BCAS3: variants seen among roughly 807,000 people sequenced by gnomAD.
BCAS3 encodes BCAS4/BCAS3 fusion.
In BCAS3, 53 loss-of-function variants were observed where a neutral mutation model predicts 116.1. The ratio of observed to expected loss-of-function variants is 0.46; its 90% CI spans 0.37 to 0.57. BCAS3 has a LOEUF of 0.57. Among genes scored for constraint, BCAS3 ranks in the 20% least tolerant of loss-of-function variants. BCAS3 has a pLI of 0.00. For synonymous variants in BCAS3, 391 were observed against 408.2 expected (o/e 0.96, Z 0.51); for missense variants, 917 against 1,165.4 (o/e 0.79, Z 3.10).
At chr17:61,351,263 C>G (rs16945152) in intron 22 of BCAS3, among the ~76,000 whole-genome samples, 1,775 of 152,314 alleles carry the variant, frequency 0.012, 30 homozygotes, top group African/African-American at 0.041. Context: ...AAAGGCATTG[C>G]TGGTGACTTC....
Position 61,026,429 on chromosome 17 carries a change from C to T in BCAS3, c.1638-8237C>T, listed in dbSNP as rs1017228115. 6.6e-6 allele frequency among the ~76,000 whole-genome samples: 1 copy of T among 151,984 alleles called. No homozygotes were observed. Among genetic ancestry groups the T allele is most frequent in the African/African-American group, 2.4e-5 (1 of 41,408 alleles). On this transcript the variant is annotated intron_variant, in intron 16 of 23. Coordinates refer to ENST00000407086, the MANE Select transcript of BCAS3 (RefSeq NM_017679.5). The surrounding 1 kb of genome is among the most constrained non-coding windows in gnomAD (Gnocchi z 5.0). ...TTCTGAGACTGGAACCAGTGAAAAG[C>T]AGACAATTCATATCAAATTTTTTAT... is the stretch of plus-strand genomic sequence containing the variant.
chr17:61,268,487 C>T (rs2049952918), intron 22 of BCAS3, among the ~76,000 whole-genome samples: 1 of 152,168 alleles, frequency 6.6e-6, no homozygotes, highest in African/African-American at 2.4e-5. Context: ...TATTATGGTA[C>T]AACAGCTCAC....
chr17:61,238,493 T>C (rs996575347), intron 22 of BCAS3, among the ~76,000 whole-genome samples: 3 of 152,050 alleles, frequency 2.0e-5, no homozygotes, highest in African/African-American at 2.4e-5. Context: ...AGTGCTGGGA[T>C]TACAGTTGTG....
chr17:60,783,336 C>T (rs2144500196), intron 6 of BCAS3, among the ~76,000 whole-genome samples: 1 of 152,294 alleles, frequency 6.6e-6, no homozygotes, highest in Non-Finnish European at 1.5e-5. Context: ...TGCTGAGTAG[C>T]TGGGACTACA....
chr17:61,258,281 T>G lies in BCAS3; in HGVS notation c.2426-110046T>G, dbSNP rs979025762. Reference sequence around the variant, plus strand: ...TTGTCTTTAAGTATGTAACTTTATTTTCTTTCCTATCAGACTTTAAATTCA... The same window carrying G: ...TTGTCTTTAAGTATGTAACTTTATTGTCTTTCCTATCAGACTTTAAATTCA... On this transcript the variant is annotated intron_variant, in intron 22 of 23. Transcript: ENST00000407086. This position sits in a 1 kb window ranked among gnomAD's most constrained non-coding sequence, Gnocchi z 4.7. 1.3e-5 allele frequency among the ~76,000 whole-genome samples: 2 copies of G among 152,256 alleles called. No homozygotes were observed. Among genetic ancestry groups the G allele is most frequent in the African/African-American group, 4.8e-5 (2 of 41,470 alleles).
intron 22 of BCAS3, among the ~76,000 whole-genome samples, chr17:61,096,426 A>G (rs907778388): frequency 6.6e-6 from 1 of 152,126 alleles, no homozygotes; most frequent in African/African-American, 2.4e-5. Context: ...GTATGGTGGT[A>G]TGCACCTGTA....
At chr17:60,895,501 A>AT (rs1475213940) in intron 10 of BCAS3, among the ~76,000 whole-genome samples, 3 of 151,828 alleles carry the variant, frequency 2.0e-5, no homozygotes, top group Non-Finnish European at 4.4e-5. Flanking sequence ...TGAAGAACCA[A>AT]TTTTTTATTC....
chr17:60,902,479 G>A (rs2057958888), intron 10 of BCAS3, 141 bp from the exon 11 acceptor site: 3 of 673,982 alleles, frequency 4.5e-6, no homozygotes, highest in Non-Finnish European at 5.1e-6. Flanking sequence ...GCTTTTAGCT[G>A]TTTGTCTGAA....
intron 7 of BCAS3, among the ~76,000 whole-genome samples, chr17:60,853,907 G>GT (rs1314102698): frequency 2.7e-5 from 4 of 150,306 alleles, no homozygotes; most frequent in East Asian, 3.9e-4. Flanking sequence ...TTTGTAAGTT[G>GT]TTTTTTTTTA....
At chr17:61,108,229 AC>A (rs1161546087) in intron 22 of BCAS3, among the ~76,000 whole-genome samples, 1 of 151,888 alleles carries the variant, frequency 6.6e-6, no homozygotes, top group African/African-American at 2.4e-5. Flanking sequence ...TAAGGTAGCC[AC>A]CCCCACTTTC....
In BCAS3 at chr17:61,189,612, A is replaced by G. The variant is rs2079981146; in HGVS notation, c.2425+105048A>G. On this transcript the variant is annotated intron_variant, in intron 22 of 23. Coordinates refer to ENST00000407086, the MANE Select transcript of BCAS3 (RefSeq NM_017679.5). This position sits in a 1 kb window ranked among gnomAD's most constrained non-coding sequence, Gnocchi z 4.5. Reference sequence around the variant, plus strand: ...CCTAGGGCAGGGGTAAATGGAATCGAAAGGAGAAGAATGGAGAGGAATAGA... The same window carrying G: ...CCTAGGGCAGGGGTAAATGGAATCGGAAGGAGAAGAATGGAGAGGAATAGA... Among the ~76,000 whole-genome samples the G allele has an allele frequency of 6.6e-6, 1 of 152,208 alleles. No individual in the cohort carries two copies. Among genetic ancestry groups the G allele is most frequent in the Non-Finnish European group, 1.5e-5 (1 of 68,046 alleles).
intron 22 of BCAS3, among the ~76,000 whole-genome samples, chr17:61,270,208 C>T (rs1465046198): frequency 1.3e-5 from 2 of 150,936 alleles, no homozygotes; most frequent in Non-Finnish European, 2.9e-5. Flanking sequence ...CAACCTCTGC[C>T]TCCCAGGTTC....
At chr17:60,696,764 G>A (rs2035647215) in intron 4 of BCAS3, among the ~76,000 whole-genome samples, 1 of 152,112 alleles carries the variant, frequency 6.6e-6, no homozygotes, top group African/African-American at 2.4e-5. Flanking sequence ...GCTGTGCACT[G>A]ACCCTATTTA....
chr17:61,045,875 A>AT (rs1373816158), intron 19 of BCAS3, among the ~76,000 whole-genome samples: 5 of 49,964 alleles, frequency 1.0e-4, no homozygotes, highest in African/African-American at 7.7e-4. Context: ...AAATATATAT[A>AT]AATATATATT....
At position 61,388,919 on chromosome 17, in the gene BCAS3, A is replaced by C. The variant is rs1431870917; in HGVS notation, c.2594-3058A>C. The C allele has an allele frequency of 5.3e-6, 3 of 564,820 alleles. No individual in the cohort carries two copies. In the African/African-American group the frequency reaches 5.6e-5, roughly 11 times the overall value. The allele number at this position is 564,820 out of a possible 1,614,324, so 35.0% of individuals were successfully genotyped here. On this transcript the variant is annotated intron_variant, in intron 23 of 23. Coordinates refer to ENST00000407086, the MANE Select transcript of BCAS3 (RefSeq NM_017679.5). This position sits in a 1 kb window ranked among gnomAD's most constrained non-coding sequence, Gnocchi z 6.5. ...CAGCAGGCCCCCGATTCTTTCAGTT[A>C]GTCTGTGTTGAAGAATGGGCCCCCA... is the stretch of plus-strand genomic sequence containing the variant.
chr17:61,121,887 G>A (rs1299185440), intron 22 of BCAS3, among the ~76,000 whole-genome samples: 3 of 152,224 alleles, frequency 2.0e-5, no homozygotes, highest in East Asian at 1.9e-4. Flanking sequence ...CTGCCACCAC[G>A]CCTGGCTAAT....
rs180688167 is a variant in BCAS3 at position 61,252,043 on chromosome 17, A to G, written c.2426-116284A>G. On this transcript the variant is annotated intron_variant, in intron 22 of 23. Coordinates refer to ENST00000407086, the MANE Select transcript of BCAS3 (RefSeq NM_017679.5). ...ACAGTTATCAAGAAACAGATACTACAGTTTTATAACACGAAGTACTAAAAG... is the reference window on the plus strand; with the variant it reads ...ACAGTTATCAAGAAACAGATACTACGGTTTTATAACACGAAGTACTAAAAG... 2.9e-3 allele frequency among the ~76,000 whole-genome samples: 449 copies of G among 152,382 alleles called. 1 individual carries two copies. The highest frequency in any genetic ancestry group is 4.8e-3 in the Admixed American group (73 of 15,314).
At chr17:60,719,500 G>A (rs927926414) in intron 5 of BCAS3, among the ~76,000 whole-genome samples, 1 of 152,186 alleles carries the variant, frequency 6.6e-6, no homozygotes, top group Non-Finnish European at 1.5e-5. Flanking sequence ...ATGCAATCAT[G>A]TATTATTTTA....
intron 22 of BCAS3, among the ~76,000 whole-genome samples, chr17:61,194,315 CAT>C (rs2080341484): frequency 1.3e-5 from 2 of 152,144 alleles, no homozygotes; most frequent in Non-Finnish European, 1.5e-5. Context: ...CAGACTTTGT[CAT>C]TGGTTAACCC....
Sources: allele counts gnomAD v4.1 joint callset (sites outside exome capture counted in the v4.1 genomes callset), GRCh38; gene constraint gnomAD v4.1.1; non-coding constraint Gnocchi (gnomAD v3.1); transcripts MANE v1.5; gene names NCBI Gene and HGNC (gene_info 2026-07-23, HGNC 2026-07-21).